Variants in ANO9 observed in about 807,000 individuals in gnomAD.
The protein encoded by ANO9 is anoctamin-9.
In ANO9, 80 loss-of-function variants were observed where a neutral mutation model predicts 100.5. The ratio of observed to expected loss-of-function variants is 0.80; its 90% confidence interval spans 0.66 to 0.96. ANO9 has a LOEUF of 0.96. Ranked by LOEUF, ANO9 falls within the 40% of genes least tolerant of loss-of-function variation. The pLI is 0.00. For synonymous variants in ANO9, 473 were observed against 435.6 expected (o/e 1.09, Z -1.07); for missense variants, 1,064 against 1,072.7 (o/e 0.99, Z 0.11).
At chr11:428,849 C>T in intron 11 of ANO9, 23 bp from the exon 12 acceptor site, 1 of 1,608,826 alleles carries the variant, frequency 6.2e-7, no homozygotes, top group African/African-American at 1.3e-5. Context: ...CCGGGCAAGC[C>T]TCAGACAAGG....
chr11:441,105 C>A (rs1272746248), intron 1 of ANO9, among the ~76,000 whole-genome samples: 4 of 152,108 alleles, frequency 2.6e-5, no homozygotes, highest in Non-Finnish European at 1.5e-5. Context: ...TGTGGAGGGC[C>A]GAGGAGAGCC....
chr11:428,512 GC>G lies in ANO9; in HGVS notation c.1147del (p.Ala383LeufsTer6), dbSNP rs760035242. ...GATGATGGTCACATAGTGCACCAGA[GC>G]CCCGGTCACCACCACGGCCGTGGTC... ...QVTTAVVVTG[A>X]LVHYVTIIIM... On this transcript the variant is annotated frameshift_variant, in exon 13 of 23. Coordinates refer to ENST00000332826, the MANE Select transcript of ANO9 (RefSeq NM_001012302.3). LOFTEE classifies it high-confidence loss of function. 1.9e-6 allele frequency: 3 copies of G among 1,612,684 alleles called. No homozygotes were observed. In the Admixed American group the frequency reaches 5.0e-5, roughly 27 times the overall value.
chr11:420,407 G>C (rs1210439976), intron 19 of ANO9, 56 bp downstream of exon 19: 20 of 1,582,098 alleles, frequency 1.3e-5, no homozygotes, highest in Non-Finnish European at 1.7e-5. Flanking sequence ...CCAGCGGGAA[G>C]CCCACAGGCC....
Position 433,917 on chromosome 11 carries a change from C to G in ANO9, c.102G>C (p.Trp34Cys). 6.4e-7 allele frequency: 1 copy of G among 1,563,062 alleles called. No homozygotes were observed. The highest frequency in any genetic ancestry group is 2.3e-5 in the East Asian group (1 of 42,936). The change falls in exon 3 of 23, where the codon TGG becomes TGC. Residue 34 changes from tryptophan (W) to cysteine (C), a missense_variant. Trp to Cys is a radical substitution (Grantham distance 215). Coordinates refer to ENST00000332826, the MANE Select transcript of ANO9 (RefSeq NM_001012302.3). ...GACGTTGGGCCACGAGGACATAGTC[C>G]CACTGCTCGGAGGCCTCGGTCTGCA... Reference protein sequence around the residue: ...STCETEASEQWDYVLVAQRHT... With the variant: ...STCETEASEQCDYVLVAQRHT...
intron 7 of ANO9, 99 bp downstream of exon 7, chr11:431,595 G>C: frequency 2.2e-6 from 2 of 905,730 alleles, no homozygotes; most frequent in Non-Finnish European, 3.2e-6. Flanking sequence ...GTATCTGGGG[G>C]CTTCCGCGGG....
At position 418,334 on chromosome 11, in the gene ANO9, G is replaced by T; in HGVS notation, c.*37C>A. 2 of 1,529,226 alleles carry T rather than the reference G, an allele frequency of 1.3e-6. No individual in the cohort carries two copies. Among genetic ancestry groups the T allele is most frequent in the South Asian group, 2.5e-5 (2 of 81,128 alleles). The allele number at this position is 1,529,226 out of a possible 1,614,324, so 94.7% of individuals were successfully genotyped here. A position where few individuals can be genotyped will look rare whatever the true frequency, so the allele number is the denominator to read the frequency against. On this transcript the variant is annotated 3_prime_UTR_variant, in exon 23 of 23. Transcript: ENST00000332826. ...TGTGGGAGGTGCTGGTGGTGGCACT[G>T]TCTCAGCTCCTGGTGGCCTCTGGAC...
chr11:433,732 C>T (rs1849225950), intron 3 of ANO9, 83 bp downstream of exon 3: 2 of 1,486,046 alleles, frequency 1.3e-6, no homozygotes, highest in South Asian at 1.3e-5. Context: ...TCGCTGGGCA[C>T]CCGCCCCAGC....
chr11:437,458 T>A (rs1389124098), intron 1 of ANO9, among the ~76,000 whole-genome samples: 1 of 151,990 alleles, frequency 6.6e-6, no homozygotes, highest in Non-Finnish European at 1.5e-5. Context: ...TTCTGTCCTA[T>A]CCTAGACCAG....
At position 421,389 on chromosome 11, in the gene ANO9, CACAG is replaced by C. The variant is rs1485725941; in HGVS notation, c.1335-195_1335-192del. The C allele has an allele frequency of 5.9e-6, 3 of 505,230 alleles. No individual in the cohort carries two copies. Among genetic ancestry groups the C allele is most frequent in the African/African-American group, 4.0e-5 (2 of 50,030 alleles). 31.3% of individuals were successfully genotyped at this position (505,230 alleles called of 1,614,324 possible). On this transcript the variant is annotated intron_variant, in intron 15 of 22. Coordinates refer to ENST00000332826, the MANE Select transcript of ANO9 (RefSeq NM_001012302.3). This position sits in a 1 kb window ranked among gnomAD's most constrained non-coding sequence, Gnocchi z 6.8. Reference sequence around the variant, plus strand: ...GGGCACGCACACACACACACACACACACAGGGGAGGCCACAGGCTCCCAGATGAA... The same window carrying C: ...GGGCACGCACACACACACACACACACGGGAGGCCACAGGCTCCCAGATGAA...
Position 421,056 on chromosome 11 carries a change from C to T in ANO9, c.1393-14G>A, listed in dbSNP as rs781135675. 1.9e-6 allele frequency: 3 copies of T among 1,597,396 alleles called. No individual in the cohort carries two copies. The highest frequency in any genetic ancestry group is 2.6e-6 in the Non-Finnish European group (3 of 1,168,042). On this transcript the variant is annotated splice_polypyrimidine_tract_variant and intron_variant, in intron 16 of 22. Coordinates refer to ENST00000332826, the MANE Select transcript of ANO9 (RefSeq NM_001012302.3). The surrounding 1 kb of genome is among the most constrained non-coding windows in gnomAD (Gnocchi z 6.8). ...GCTGGCGTGGCACTGCGGGGCCAGA[C>T]AGGAGGAGATCAGGGAGGGGTCCTG...
intron 6 of ANO9, 39 bp downstream of exon 6, chr11:431,809 C>T (rs1849028218): frequency 6.2e-7 from 1 of 1,612,110 alleles, no homozygotes; most frequent in Middle Eastern, 1.7e-4. Flanking sequence ...ATCCCAGGGT[C>T]CCACCCCAGG....
chr11:434,170 C>T (rs1185925344), intron 1 of ANO9, 72 bp from the exon 2 acceptor site: 1 of 1,505,106 alleles, frequency 6.6e-7, no homozygotes, highest in Non-Finnish European at 9.0e-7. Context: ...TTGGCGGGTC[C>T]CTGCAGCGGA....
chr11:418,489 C>G lies in ANO9; in HGVS notation c.2231G>C (p.Arg744Pro), dbSNP rs757626143. ...KVLEVKYQRL[R>P]EKMWHGRQRL... ...CTGCCTTCCATGCCACATCTTCTCA[C>G]GCAGCCTCTGGTACTTCACCTCCAG... The change falls in exon 23 of 23, where the codon CGT becomes CCT. Residue 744 changes from arginine (R) to proline (P), a missense_variant. Physicochemically the swap from Arg to Pro is moderately radical, Grantham distance 103. Transcript: ENST00000332826. The G allele has an allele frequency of 1.7e-5, 28 of 1,613,030 alleles. No homozygotes were observed. Among genetic ancestry groups the G allele is most frequent in the African/African-American group, 2.7e-5 (2 of 74,928 alleles).
intron 20 of ANO9, chr11:419,312 G>C: frequency 7.1e-7 from 1 of 1,408,460 alleles, no homozygotes. Flanking sequence ...CATCGGGAGG[G>C]AGCCGTTCTG....
Position 418,017 on chromosome 11 carries a change from C to T in ANO9, c.*354G>A, listed in dbSNP as rs1468912453. On this transcript the variant is annotated 3_prime_UTR_variant, in exon 23 of 23. Transcript: ENST00000332826. ...GGTGGGCTCAGGACACCCCCAACAG[C>T]CAGGATGGGGGCACGGCAGGATCTG... The T allele has an allele frequency of 1.0e-5, 3 of 294,504 alleles. No individual in the cohort carries two copies. Among genetic ancestry groups the T allele is most frequent in the Non-Finnish European group, 1.9e-5 (3 of 157,298 alleles). The allele number at this position is 294,504 out of a possible 1,614,324, so 18.2% of individuals were successfully genotyped here.
At chr11:433,719 C>A in intron 3 of ANO9, 96 bp downstream of exon 3, 3 of 1,477,686 alleles carry the variant, frequency 2.0e-6, no homozygotes, top group Non-Finnish European at 2.7e-6. Flanking sequence ...ACAGCCCTGC[C>A]CCTCGCTGGG....
chr11:429,370 ACACT>A (rs1199390416), intron 11 of ANO9, 196 bp downstream of exon 11: 26 of 1,294,076 alleles, frequency 2.0e-5, no homozygotes, highest in Middle Eastern at 5.3e-4. Context: ...CAGACACGGG[ACACT>A]CACCCCACAC....
Position 434,074 on chromosome 11 carries a change from C to T in ANO9, c.31G>A (p.Val11Met). 6.4e-7 allele frequency: 1 copy of T among 1,550,788 alleles called. No individual in the cohort carries two copies. Among genetic ancestry groups the T allele is most frequent in the Non-Finnish European group, 8.7e-7 (1 of 1,147,228 alleles). MQGEESLRIL[V>M]EPEGDSFPLM... Reference sequence around the variant, plus strand: ...GGGAAGCTGTCCCCTTCGGGCTCCACCAGGATCCGGAGGCTCTCTTCGCCC... The same window carrying T: ...GGGAAGCTGTCCCCTTCGGGCTCCATCAGGATCCGGAGGCTCTCTTCGCCC... The change falls in exon 2 of 23, where the codon GTG becomes ATG. Residue 11 changes from valine to methionine, a missense_variant. Val to Met is a conservative substitution (Grantham distance 21). Coordinates refer to ENST00000332826, the MANE Select transcript of ANO9 (RefSeq NM_001012302.3).
chr11:437,509 C>T (rs1207401245), intron 1 of ANO9, among the ~76,000 whole-genome samples: 1 of 152,236 alleles, frequency 6.6e-6, no homozygotes, highest in Non-Finnish European at 1.5e-5. Context: ...CTGACTCCCT[C>T]CTTGGCCTTC....
Sources: allele counts gnomAD v4.1 joint callset (sites outside exome capture counted in the v4.1 genomes callset), GRCh38; gene constraint gnomAD v4.1.1; non-coding constraint Gnocchi (gnomAD v3.1); transcripts MANE v1.5; gene names NCBI Gene and HGNC (gene_info 2026-07-23, HGNC 2026-07-21).